NRG1: variants seen among roughly 807,000 people sequenced by gnomAD.
NRG1 encodes the protein neuregulin 1, also known as pro-neuregulin-1, membrane-bound isoform.
A neutral mutation model predicts 63.8 loss-of-function variants in NRG1; 18 were observed. The observed-to-expected ratio is 0.28, with a 90% CI of 0.19 to 0.42. NRG1 has a LOEUF of 0.42. NRG1 is among the 10% of genes least tolerant of loss of function. NRG1 has a pLI of 1.00. For synonymous variants in NRG1, 302 were observed against 301.3 expected (o/e 1.00, Z -0.02); for missense variants, 762 against 814.7 (o/e 0.94, Z 0.79).
chr8:32,634,570 A>G (rs1563815425), intron 5 of NRG1, among the ~76,000 whole-genome samples: 1 of 152,232 alleles, frequency 6.6e-6, no homozygotes, highest in Non-Finnish European at 1.5e-5. Flanking sequence ...CTGGTGTTGG[A>G]AAAAGCTAAA....
rs541473885 is a variant in NRG1, at chr8:32,654,041, T to C, written c.502+37156T>C. 5.9e-5 allele frequency among the ~76,000 whole-genome samples: 9 copies of C among 152,210 alleles called. No individual in the cohort carries two copies. In the South Asian group the frequency reaches 1.9e-3, roughly 32 times the overall value. ...TATCTTATAATCATAGAATTTTATATGCTGAACATTTTTAGAGATTATTTG... is the reference window on the plus strand; with the variant it reads ...TATCTTATAATCATAGAATTTTATACGCTGAACATTTTTAGAGATTATTTG... On this transcript the variant is annotated intron_variant, in intron 5 of 11. Coordinates refer to ENST00000356819, the Ensembl canonical transcript of NRG1.
chr8:32,721,860 G>C, intron 5 of NRG1: 1 of 1,405,060 alleles, frequency 7.1e-7, no homozygotes, highest in South Asian at 1.8e-5. Flanking sequence ...CTGCTCCAGA[G>C]CTTCATCTTC....
intron 1 of NRG1, among the ~76,000 whole-genome samples, chr8:32,282,555 A>G (rs1852995588): frequency 6.6e-6 from 1 of 152,214 alleles, no homozygotes; most frequent in Non-Finnish European, 1.5e-5. Flanking sequence ...GGTGGGAGGC[A>G]GGAGGGTATG....
downstream of NRG1, among the ~76,000 whole-genome samples, chr8:32,772,923 C>A (rs1352446414): frequency 1.3e-5 from 2 of 152,132 alleles, no homozygotes; most frequent in Non-Finnish European, 1.5e-5. Flanking sequence ...TCAAGAGTCT[C>A]CCCCACAAAG....
chr8:32,029,308 T>C (rs992863930), intron 1 of NRG1: 3 of 152,208 alleles, frequency 2.0e-5, no homozygotes, highest in Non-Finnish European at 4.4e-5. Context: ...TAATATATTC[T>C]TATTATAAAA....
intron 1 of NRG1, among the ~76,000 whole-genome samples, chr8:32,339,588 GA>G (rs1416308343): frequency 6.6e-6 from 1 of 152,116 alleles, no homozygotes; most frequent in Non-Finnish European, 1.5e-5. Flanking sequence ...ATTTAATGAG[GA>G]CTTTTCATAT....
At chr8:32,715,367 GT>G (rs1156876517) in intron 5 of NRG1, among the ~76,000 whole-genome samples, 1 of 152,060 alleles carries the variant, frequency 6.6e-6, no homozygotes, top group African/African-American at 2.4e-5. Context: ...CTTCCCTCAG[GT>G]TTTCAGACTT....
chr8:32,148,991 A>ATT (rs1008592301), intron 1 of NRG1, among the ~76,000 whole-genome samples: 1 of 152,168 alleles, frequency 6.6e-6, no homozygotes, highest in African/African-American at 2.4e-5. Context: ...CAGGAACGTA[A>ATT]TTAAGAATGA....
At chr8:32,389,835 A>T (rs1811497894) in intron 1 of NRG1, among the ~76,000 whole-genome samples, 1 of 150,522 alleles carries the variant, frequency 6.6e-6, no homozygotes, top group Admixed American at 6.7e-5. Flanking sequence ...ATCTCAGCTC[A>T]CTGCAACCTC....
intron 1 of NRG1, among the ~76,000 whole-genome samples, chr8:32,153,001 T>C (rs1837662414): frequency 6.6e-6 from 1 of 152,196 alleles, no homozygotes; most frequent in African/African-American, 2.4e-5. Context: ...GCATACTGTA[T>C]TATGCCTAGT....
chr8:32,318,707 AAT>A (rs1801042044), intron 1 of NRG1, among the ~76,000 whole-genome samples: 1 of 152,216 alleles, frequency 6.6e-6, no homozygotes, highest in Non-Finnish European at 1.5e-5. Context: ...GTCCTTTGAA[AAT>A]ATGTTATTTG....
At position 32,603,385 on chromosome 8, in the gene NRG1, C is replaced by G. The variant is rs565570304; in HGVS notation, c.279-2177C>G. On this transcript the variant is annotated intron_variant, in intron 2 of 11. Coordinates refer to ENST00000356819, the Ensembl canonical transcript of NRG1. ...AATGAAAAGCCTGTCTTTATTTCAC[C>G]TAATATTTTCCAAATTTATTTGAAT... Among the ~76,000 whole-genome samples, 36 of 152,252 alleles carry G rather than the reference C, an allele frequency of 2.4e-4. 1 individual carries two copies. In the South Asian group the frequency reaches 7.5e-3, roughly 32 times the overall value.
chr8:32,024,776 A>G (rs1816983174), intron 1 of NRG1, among the ~76,000 whole-genome samples: 2 of 152,222 alleles, frequency 1.3e-5, no homozygotes, highest in African/African-American at 4.8e-5. Flanking sequence ...CTACAGATCA[A>G]AAGGAACTTT....
chr8:32,442,631 G>A (rs1187288387), intron 1 of NRG1: 3 of 152,178 alleles, frequency 2.0e-5, no homozygotes, highest in Admixed American at 1.3e-4. Context: ...TAAAGCCTGT[G>A]ATTGGGCCAA....
At chr8:32,716,821 C>CGTGTGT (rs67034958) in intron 5 of NRG1, among the ~76,000 whole-genome samples, 82 of 149,926 alleles carry the variant, frequency 5.5e-4, no homozygotes, top group African/African-American at 2.0e-3. Flanking sequence ...TGTGCATGTG[C>CGTGTGT]GTGTGTGTGT....
chr8:31,960,617 T>C (rs1269741399), intron 1 of NRG1, among the ~76,000 whole-genome samples: 1 of 152,240 alleles, frequency 6.6e-6, no homozygotes, highest in South Asian at 2.1e-4. Flanking sequence ...TTCCAGTAAC[T>C]TTGGTTTCCA....
chr8:32,754,253 C>T, intron 7 of NRG1, 119 bp from the exon 8 acceptor site: 1 of 795,636 alleles, frequency 1.3e-6, no homozygotes, highest in Non-Finnish European at 2.1e-6. Flanking sequence ...AAAGAATTGT[C>T]ATGTATTTAT....
intron 1 of NRG1, among the ~76,000 whole-genome samples, chr8:32,277,691 G>A (rs920543855): frequency 3.9e-5 from 6 of 152,062 alleles, no homozygotes; most frequent in African/African-American, 9.7e-5. Context: ...TTTAACTATC[G>A]GGAGTTGGGG....
chr8:32,411,889 T>C (rs1056969717), intron 1 of NRG1, among the ~76,000 whole-genome samples: 1 of 152,164 alleles, frequency 6.6e-6, no homozygotes, highest in African/African-American at 2.4e-5. Flanking sequence ...TATAGGTAAG[T>C]TGAACTGTCA....
Sources: allele counts gnomAD v4.1 joint callset (sites outside exome capture counted in the v4.1 genomes callset), GRCh38; gene constraint gnomAD v4.1.1; transcripts MANE v1.5; gene names NCBI Gene and HGNC (gene_info 2026-07-23, HGNC 2026-07-21).